The following FGD4 variants were observed in gnomAD, a reference collection of about 807,000 sequenced individuals.
FGD4 encodes FYVE, RhoGEF and PH domain containing 4, also known as FYVE, RhoGEF and PH domain-containing protein 4.
In FGD4, 42 loss-of-function variants were observed where a neutral mutation model predicts 102.0. That is an observed-to-expected ratio of 0.41 (90% CI 0.32 to 0.53). The LOEUF is 0.53. Among genes scored for constraint, FGD4 ranks in the 20% least tolerant of loss-of-function variants. The pLI, the probability that FGD4 is intolerant of heterozygous loss-of-function variation, is 0.21. For synonymous variants in FGD4, 380 were observed against 375.7 expected, an observed-to-expected ratio of 1.01 and a Z score of -0.13; for missense variants, 902 against 1,078.2, an observed-to-expected ratio of 0.84 and a Z score of 2.29.
At chr12:32,453,266 C>A (rs1942861392) in intron 1 of FGD4, among the ~76,000 whole-genome samples, 1 of 139,032 alleles carries the variant, frequency 7.2e-6, no homozygotes, top group Non-Finnish European at 1.5e-5. Context: ...TAGAGCCTCA[C>A]TCTGTTGCCC....
chr12:32,550,902 T>G (rs1004772336), intron 1 of FGD4, among the ~76,000 whole-genome samples: 1 of 152,198 alleles, frequency 6.6e-6, no homozygotes, highest in Non-Finnish European at 1.5e-5. Context: ...ATTTGAGACT[T>G]GAATTACCTG....
intron 1 of FGD4, among the ~76,000 whole-genome samples, chr12:32,504,566 T>C (rs1387836106): frequency 6.6e-6 from 1 of 152,208 alleles, no homozygotes; most frequent in East Asian, 1.9e-4. Context: ...ATGTCTGAGG[T>C]GTCTGTGGTT....
At chr12:32,507,197 G>T (rs1355436062) in intron 1 of FGD4, among the ~76,000 whole-genome samples, 1 of 150,520 alleles carries the variant, frequency 6.6e-6, no homozygotes, top group Non-Finnish European at 1.5e-5. Flanking sequence ...TTTTGTCCTT[G>T]CGATAGTTTA....
intron 1 of FGD4, among the ~76,000 whole-genome samples, chr12:32,432,235 AT>A (rs1168979260): frequency 6.6e-6 from 1 of 150,954 alleles, no homozygotes; most frequent in African/African-American, 2.4e-5. Context: ...AATTTTTTGT[AT>A]TTTTTAGTAA....
intron 6 of FGD4, 152 bp from the exon 7 acceptor site, chr12:32,602,009 G>C: frequency 1.5e-6 from 1 of 678,696 alleles, no homozygotes; most frequent in South Asian, 1.8e-5. Flanking sequence ...CAGCTACTGA[G>C]AGTGCTGAAG....
chr12:32,526,650 T>C (rs983931755), intron 1 of FGD4, among the ~76,000 whole-genome samples: 2 of 152,214 alleles, frequency 1.3e-5, no homozygotes, highest in Non-Finnish European at 2.9e-5. Context: ...CCTTCCACAC[T>C]GTGGGAGCTT....
At chr12:32,590,267 G>A (rs1238444019) in intron 4 of FGD4, among the ~76,000 whole-genome samples, 4 of 145,862 alleles carry the variant, frequency 2.7e-5, no homozygotes, top group South Asian at 2.2e-4. Flanking sequence ...CCGAGATCGC[G>A]CCATCGCACT....
intron 13 of FGD4, 131 bp from the exon 14 acceptor site, chr12:32,625,523 G>C: frequency 8.5e-7 from 1 of 1,177,776 alleles, no homozygotes; most frequent in Non-Finnish European, 1.2e-6. Flanking sequence ...GCCTGCCTCA[G>C]CTTCCGAAAG....
At chr12:32,410,006 CAAAA>C (rs35504493) in intron 1 of FGD4, among the ~76,000 whole-genome samples, 4 of 108,922 alleles carry the variant, frequency 3.7e-5, no homozygotes, top group African/African-American at 3.4e-5. Flanking sequence ...TCTTGTCTCT[CAAAA>C]AAAAAAAAAA....
At position 32,399,697 on chromosome 12, in the gene FGD4, C is replaced by G; in HGVS notation, c.-97C>G. On this transcript the variant is annotated 5_prime_UTR_variant, in exon 1 of 17. Transcript: ENST00000534526. ...CCGCAGTAGAGGGCGCCCCCGGAGTCGCGCCGAACCTGGGCATGCAGGCGA... is the reference window on the plus strand; with the variant it reads ...CCGCAGTAGAGGGCGCCCCCGGAGTGGCGCCGAACCTGGGCATGCAGGCGA... 1.4e-6 allele frequency: 2 copies of G among 1,466,148 alleles called. No homozygotes were observed. The highest frequency in any genetic ancestry group is 2.4e-5 in the Admixed American group (1 of 41,888). 90.8% of individuals were successfully genotyped at this position (1,466,148 alleles called of 1,614,324 possible). A position where few individuals can be genotyped will look rare whatever the true frequency, so the allele number is the denominator to read the frequency against.
At chr12:32,400,371 T>G (rs1766048450) in intron 1 of FGD4, among the ~76,000 whole-genome samples, 1 of 152,206 alleles carries the variant, frequency 6.6e-6, no homozygotes, top group South Asian at 2.1e-4. Flanking sequence ...CGCCCAAGTC[T>G]GACAACCTAG....
intron 2 of FGD4, among the ~76,000 whole-genome samples, chr12:32,566,579 G>A (rs749540290): frequency 2.0e-5 from 3 of 151,912 alleles, no homozygotes; most frequent in Admixed American, 1.3e-4. Flanking sequence ...TTGAACATGC[G>A]CCATGCAGGG....
chr12:32,567,888 A>G (rs1264420823), intron 2 of FGD4, among the ~76,000 whole-genome samples: 1 of 151,992 alleles, frequency 6.6e-6, no homozygotes, highest in Non-Finnish European at 1.5e-5. Context: ...GGGTTTTACC[A>G]TGTTGGCAAG....
chr12:32,446,517 T>C (rs1441944717), intron 1 of FGD4, among the ~76,000 whole-genome samples: 6 of 152,176 alleles, frequency 3.9e-5, no homozygotes, highest in African/African-American at 4.8e-5. Context: ...TCTACAGAGA[T>C]AAAGACATTC....
intron 1 of FGD4, among the ~76,000 whole-genome samples, chr12:32,562,965 G>C (rs1377612401): frequency 3.3e-5 from 5 of 152,070 alleles, no homozygotes; most frequent in Non-Finnish European, 5.9e-5. Context: ...GGGCAGAGGG[G>C]CTTCTCACAT....
rs115655724 is a variant in FGD4, at chr12:32,590,387, A to G, written c.1011+7920A>G. Among the ~76,000 whole-genome samples the G allele has an allele frequency of 6.7e-3, 1,013 of 151,010 alleles. 7 individuals carry two copies. Among genetic ancestry groups the G allele is most frequent in the African/African-American group, 0.023 (959 of 40,970 alleles). On this transcript the variant is annotated intron_variant, in intron 4 of 16. Transcript: ENST00000534526. The stretch of plus-strand genomic sequence containing the variant: ...GTGTTCTCTCTCTCTCTCTCTTTTT[A>G]ATAATGTGAGCCTAGTGATAAATTC...
intron 1 of FGD4, among the ~76,000 whole-genome samples, chr12:32,563,573 G>A (rs557557598): frequency 4.5e-4 from 68 of 152,012 alleles, no homozygotes; most frequent in African/African-American, 1.6e-3. Flanking sequence ...GCCGGGCAGA[G>A]ACGCTCCTCA....
chr12:32,441,132 C>T (rs1942423689), intron 1 of FGD4, among the ~76,000 whole-genome samples: 1 of 152,166 alleles, frequency 6.6e-6, no homozygotes, highest in Admixed American at 6.5e-5. Flanking sequence ...TCGCTTGATG[C>T]TCTACCCTCC....
At chr12:32,457,070 A>T (rs148457553) in intron 1 of FGD4, among the ~76,000 whole-genome samples, 1 of 152,310 alleles carries the variant, frequency 6.6e-6, no homozygotes, top group East Asian at 1.9e-4. Flanking sequence ...GACTTGATGA[A>T]GGGATTGAGT....
Sources: gnomAD v4.1 joint callset for allele counts (sites outside exome capture counted in the v4.1 genomes callset) on GRCh38, gnomAD v4.1.1 for gene constraint, MANE v1.5 for transcripts, NCBI Gene and HGNC (gene_info 2026-07-23, HGNC 2026-07-21) for gene names.